The following PPAT variants were observed in gnomAD, a reference collection of about 807,000 sequenced individuals.
The protein encoded by PPAT is amidophosphoribosyltransferase.
Under a neutral mutation model 60.2 loss-of-function variants are expected in PPAT, and 20 were observed. That is an observed-to-expected ratio of 0.33 (90% CI 0.23 to 0.48). The LOEUF (loss-of-function observed/expected upper bound fraction) is 0.48. Among genes scored for constraint, PPAT ranks in the 20% least tolerant of loss-of-function variants. PPAT has a pLI of 0.99. For synonymous variants in PPAT, 194 were observed against 215.1 expected (o/e 0.90, Z 0.86); for missense variants, 349 against 629.6 (o/e 0.55, Z 4.77).
chr4:56,394,855 G>A lies in PPAT; in HGVS notation c.*497C>T, dbSNP rs1715923890. ...CACATGTGGGGAAACTGAGGCACCA[G>A]ATTATTATTATTTTTTTTTAAAGAT... On this transcript the variant is annotated 3_prime_UTR_variant, in exon 11 of 11. Coordinates refer to ENST00000264220, the MANE Select transcript of PPAT (RefSeq NM_002703.5). The A allele has an allele frequency of 9.7e-6, 1 of 102,876 alleles. No individual in the cohort carries two copies. The highest frequency in any genetic ancestry group is 2.8e-4 in the South Asian group (1 of 3,584). The allele number at this position is 102,876 out of a possible 1,614,324, so 6.4% of individuals were successfully genotyped here. A position where few individuals can be genotyped will look rare whatever the true frequency, so the allele number is the denominator to read the frequency against.
intron 1 of PPAT, among the ~76,000 whole-genome samples, chr4:56,433,219 G>GAT (rs1383082518): frequency 6.6e-6 from 1 of 151,640 alleles, no homozygotes; most frequent in Non-Finnish European, 1.5e-5. Flanking sequence ...GCACCTTAAT[G>GAT]ATTCTATGCC....
chr4:56,414,537 G>C (rs936092848), intron 1 of PPAT, among the ~76,000 whole-genome samples: 2 of 152,168 alleles, frequency 1.3e-5, no homozygotes, highest in Non-Finnish European at 2.9e-5. Context: ...TGTATCGCAA[G>C]TAATGATTTA....
chr4:56,404,062 C>T (rs984785517), intron 3 of PPAT: 13 of 449,064 alleles, frequency 2.9e-5, no homozygotes, highest in Admixed American at 4.7e-5. Context: ...GGGACTCCTG[C>T]GCTAATAGTA....
At chr4:56,395,896 TAA>T (rs1222123000) in intron 10 of PPAT, among the ~76,000 whole-genome samples, 2 of 152,158 alleles carry the variant, frequency 1.3e-5, no homozygotes, top group East Asian at 1.9e-4. Context: ...TCAGTTTTCC[TAA>T]GTCTATTTTT....
intron 1 of PPAT, among the ~76,000 whole-genome samples, chr4:56,430,737 A>T (rs1181056296): frequency 2.6e-5 from 4 of 151,440 alleles, no homozygotes; most frequent in Non-Finnish European, 5.9e-5. Context: ...ACCGCACAAG[A>T]GTATCATTCT....
intron 1 of PPAT, chr4:56,414,298 G>C (rs528861067): frequency 6.3e-4 from 96 of 152,312 alleles, no homozygotes; most frequent in African/African-American, 2.2e-3. Flanking sequence ...CCACTGTTGG[G>C]ATCAACCTCA....
intron 1 of PPAT, among the ~76,000 whole-genome samples, chr4:56,423,945 A>T (rs1381599373): frequency 6.6e-6 from 1 of 152,214 alleles, no homozygotes; most frequent in East Asian, 1.9e-4. Flanking sequence ...CGTAGTATTG[A>T]GGTATAAAAA....
At chr4:56,400,005 A>T (rs902335911) in intron 8 of PPAT, 3 of 152,272 alleles carry the variant, frequency 2.0e-5, no homozygotes, top group Non-Finnish European at 4.4e-5. Context: ...GCAAGCAAAT[A>T]TTCCAGTGAC....
intron 1 of PPAT, among the ~76,000 whole-genome samples, chr4:56,426,114 C>A (rs1190862356): frequency 6.6e-6 from 1 of 152,096 alleles, no homozygotes; most frequent in African/African-American, 2.4e-5. Flanking sequence ...CAAAGAAATC[C>A]CGTATCTGCC....
At chr4:56,422,712 A>G (rs943676899) in intron 1 of PPAT, 7 of 152,136 alleles carry the variant, frequency 4.6e-5, no homozygotes, top group Admixed American at 3.3e-4. Flanking sequence ...TTATATCTAT[A>G]TATTAATAGA....
chr4:56,427,536 G>T (rs1164712414), intron 1 of PPAT, among the ~76,000 whole-genome samples: 1 of 152,004 alleles, frequency 6.6e-6, no homozygotes. Flanking sequence ...ACTAGGCATG[G>T]TGGTAGGCAC....
chr4:56,399,305 T>G lies in PPAT; in HGVS notation c.1110A>C (p.Ala370=). The change falls in exon 9 of 11, where the codon GCA becomes GCC. Residue 370 remains alanine (A), a synonymous_variant. Transcript: ENST00000264220. Reference sequence around the variant, plus strand: ...TGTCTGACAATACTCCAAATTTTTTTGCAACACCAAGTTGTCTTAACCTCA... The same window carrying G: ...TGTCTGACAATACTCCAAATTTTTTGGCAACACCAAGTTGTCTTAACCTCA... ...PNMRLRQLGV[A]KKFGVLSDNF... The G allele has an allele frequency of 6.2e-7, 1 of 1,614,040 alleles. No homozygotes were observed. Among genetic ancestry groups the G allele is most frequent in the Non-Finnish European group, 8.5e-7 (1 of 1,179,934 alleles).
At position 56,403,413 on chromosome 4, in the gene PPAT, A is replaced by T. The variant is rs56066795; in HGVS notation, c.403-12T>A. The T allele has an allele frequency of 0.13, 205,817 of 1,582,326 alleles. 14,556 individuals carry two copies. The highest frequency in any genetic ancestry group is 0.29 in the Admixed American group (16,890 of 58,228). ...CCATGACGCAGAAGCTATATAGAAA[A>T]AAAGAGAAGTTTAATCATCAGAGGG... On this transcript the variant is annotated splice_polypyrimidine_tract_variant and intron_variant, in intron 3 of 10. Transcript: ENST00000264220.
intron 3 of PPAT, 72 bp downstream of exon 3, chr4:56,406,423 T>C (rs569359513): frequency 1.3e-6 from 2 of 1,483,174 alleles, no homozygotes; most frequent in Admixed American, 1.7e-5. Flanking sequence ...TTTACAAAGA[T>C]CCTTAACTTT....
At chr4:56,397,076 G>C (rs1480809727) in intron 9 of PPAT, among the ~76,000 whole-genome samples, 1 of 152,010 alleles carries the variant, frequency 6.6e-6, no homozygotes. Flanking sequence ...TACTACAACA[G>C]AGTTGTTTTT....
Position 56,396,727 on chromosome 4 carries a change from C to G in PPAT, c.1249G>C (p.Val417Leu). The change falls in exon 10 of 11, where the codon GTA becomes CTA. Residue 417 changes from valine to leucine, a missense_variant. Val to Leu is a conservative substitution (Grantham distance 32, BLOSUM62 1). Coordinates refer to ENST00000264220, the MANE Select transcript of PPAT (RefSeq NM_002703.5). The surrounding 1 kb of genome is among the most constrained non-coding windows in gnomAD (Gnocchi z 4.6). Reference sequence around the variant, plus strand: ...GGATATTTAATTGGTGGTGAAGCTACTCGAATGTGTACCTTGGAAAGAAAT... The same window carrying G: ...GGATATTTAATTGGTGGTGAAGCTAGTCGAATGTGTACCTTGGAAAGAAAT... ...ESGAKEVHIR[V>L]ASPPIKYPCF... 1 of 1,612,320 alleles carries G rather than the reference C, an allele frequency of 6.2e-7. No individual in the cohort carries two copies. The highest frequency in any genetic ancestry group is 8.5e-7 in the Non-Finnish European group (1 of 1,179,126).
intron 1 of PPAT, among the ~76,000 whole-genome samples, chr4:56,426,165 G>A (rs900248739): frequency 5.9e-5 from 9 of 152,170 alleles, no homozygotes; most frequent in Non-Finnish European, 1.0e-4. Context: ...CACTGTGGGA[G>A]GCCAAGGCAG....
At position 56,395,095 on chromosome 4, in the gene PPAT, T is replaced by C. The variant is rs1041518510; in HGVS notation, c.*257A>G. 7.9e-5 allele frequency: 29 copies of C among 366,412 alleles called. No individual in the cohort carries two copies. In the Admixed American group the frequency reaches 1.3e-3, roughly 17 times the overall value. The allele number at this position is 366,412 out of a possible 1,614,324, so 22.7% of individuals were successfully genotyped here. On this transcript the variant is annotated 3_prime_UTR_variant, in exon 11 of 11. Coordinates refer to ENST00000264220, the MANE Select transcript of PPAT (RefSeq NM_002703.5). ...AATGTCAGTGACCACCTGCCTTCTC[T>C]GACCAGGTTAAAAAGGCTAGCCAAT...
chr4:56,402,255 C>G, intron 5 of PPAT, 74 bp from the exon 6 acceptor site: 2 of 1,080,608 alleles, frequency 1.9e-6, no homozygotes, highest in Non-Finnish European at 2.8e-6. Context: ...ACAGCTAACA[C>G]TAAATAAATA....
Sources: allele counts gnomAD v4.1 joint callset (sites outside exome capture counted in the v4.1 genomes callset), GRCh38; gene constraint gnomAD v4.1.1; non-coding constraint Gnocchi (gnomAD v3.1); transcripts MANE v1.5; gene names NCBI Gene and HGNC (gene_info 2026-07-23, HGNC 2026-07-21).